The following NEB variants were observed in gnomAD, a reference collection of about 807,000 sequenced individuals.
NEB encodes nemaline myopathy type 2.
NEB carries 512 observed loss-of-function variants against 952.2 expected under a neutral mutation model. That is an observed-to-expected ratio of 0.54 (90% CI 0.50 to 0.58). The LOEUF (loss-of-function observed/expected upper bound fraction) is 0.58. Ranked by LOEUF, NEB falls within the 20% of genes least tolerant of loss-of-function variation. The pLI is 0.00. For missense variants in NEB, 8,428 were observed against 9,231.1 expected, an observed-to-expected ratio of 0.91 and a Z score of 3.56; for synonymous variants, 2,900 against 3,149.8, an observed-to-expected ratio of 0.92 and a Z score of 2.66.
intron 181 of NEB, among the ~76,000 whole-genome samples, chr2:151,488,876 A>G (rs1451872165): frequency 1.3e-5 from 2 of 152,002 alleles, no homozygotes; most frequent in African/African-American, 4.8e-5. Flanking sequence ...CTATTTTTGT[A>G]TCTATTGCCA....
At chr2:151,691,286 C>T (rs1319297032) in intron 23 of NEB, among the ~76,000 whole-genome samples, 1 of 152,218 alleles carries the variant, frequency 6.6e-6, no homozygotes, top group African/African-American at 2.4e-5. Flanking sequence ...CTGCTGTTCC[C>T]CTGACCTTGG....
chr2:151,628,840 CAACAAGAGTGAG>C (rs1201959454), intron 68 of NEB, among the ~76,000 whole-genome samples: 1 of 151,888 alleles, frequency 6.6e-6, no homozygotes, highest in Non-Finnish European at 1.5e-5. Flanking sequence ...CTAGCCTGGG[CAACAAGAGTGAG>C]ACTCTGAGAC....
At chr2:151,533,371 A>G (rs557404113) in intron 143 of NEB, 71 bp downstream of exon 143, 5 of 991,214 alleles carry the variant, frequency 5.0e-6, no homozygotes, top group Non-Finnish European at 7.7e-6. Context: ...GAGGAAATCA[A>G]TGAAAGCATA....
chr2:151,511,952 T>C (rs2074731177), intron 161 of NEB, among the ~76,000 whole-genome samples: 1 of 152,082 alleles, frequency 6.6e-6, no homozygotes, highest in African/African-American at 2.4e-5. Flanking sequence ...TTGTACCATG[T>C]TCTTCAGTAC....
At chr2:151,620,076 A>T (rs932302940) in intron 72 of NEB, among the ~76,000 whole-genome samples, 2 of 152,166 alleles carry the variant, frequency 1.3e-5, no homozygotes, top group Non-Finnish European at 2.9e-5. Flanking sequence ...GAGTGAGCCT[A>T]TTTAAGAACA....
At position 151,533,453 on chromosome 2, in the gene NEB, T is replaced by A. The variant is rs886038447; in HGVS notation, c.21406A>T (p.Met7136Leu). 2.3e-5 allele frequency: 35 copies of A among 1,549,796 alleles called. No individual in the cohort carries two copies. The African/African-American group carries it at 4.0e-4, about 18-fold the overall frequency. Reference sequence around the variant, plus strand: ...CCATCAGACATTACCTGGCTCCACATATGCGAATTGTAGAGAGCAGTCAAC... The same window carrying A: ...CCATCAGACATTACCTGGCTCCACAAATGCGAATTGTAGAGAGCAGTCAAC... Reference protein sequence around the residue: ...DMLTALYNSHMWSQIKYRKNY... With the variant: ...DMLTALYNSHLWSQIKYRKNY... Residue 7136 changes from methionine (M) to leucine (L), a missense_variant, in exon 143 of 182, where the codon ATG becomes TTG. Met to Leu is a conservative substitution (Grantham distance 15). Coordinates refer to ENST00000397345, the MANE Select transcript of NEB (RefSeq NM_001164508.2).
intron 157 of NEB, among the ~76,000 whole-genome samples, chr2:151,516,198 T>C (rs1021660843): frequency 6.6e-6 from 1 of 152,214 alleles, no homozygotes; most frequent in Non-Finnish European, 1.5e-5. Context: ...ATAATTTGTG[T>C]TGGGAATAGT....
At position 151,494,195 on chromosome 2, in the gene NEB, T is replaced by A; in HGVS notation, c.24545A>T (p.Gln8182Leu). 1 of 1,608,520 alleles carries A rather than the reference T, an allele frequency of 6.2e-7. No individual in the cohort carries two copies. Among genetic ancestry groups the A allele is most frequent in the Non-Finnish European group, 8.5e-7 (1 of 1,177,052 alleles). Residue 8182 changes from glutamine to leucine, a missense_variant, in exon 174 of 182, where the codon CAG (glutamine) becomes CTG (leucine). Transcript: ENST00000397345. ...GTTTTCTTGATTGCGTTTGACTCTCTGCATCTCAGGAGTGACAGGGGTTGC... is the reference window on the plus strand; with the variant it reads ...GTTTTCTTGATTGCGTTTGACTCTCAGCATCTCAGGAGTGACAGGGGTTGC... ...ATATPVTPEM[Q>L]RVKRNQENIS...
intron 69 of NEB, 107 bp downstream of exon 69, chr2:151,627,416 A>T: frequency 6.7e-7 from 1 of 1,494,088 alleles, no homozygotes; most frequent in Non-Finnish European, 9.1e-7. Flanking sequence ...GAGCAGAGAG[A>T]AGAAATGTCA....
intron 145 of NEB, 129 bp from the exon 146 acceptor site, chr2:151,529,443 C>G (rs542895768): frequency 1.5e-6 from 1 of 670,022 alleles, no homozygotes; most frequent in African/African-American, 1.8e-5. Flanking sequence ...TTTTAAAAAT[C>G]TGCTGTGGAG....
chr2:151,552,558 G>A, intron 128 of NEB, 114 bp downstream of exon 128: 1 of 673,218 alleles, frequency 1.5e-6, no homozygotes, highest in East Asian at 2.8e-5. Context: ...CACCAACTCT[G>A]GTTTCCCAGT....
chr2:151,609,009 C>T (rs1213171969), intron 81 of NEB, among the ~76,000 whole-genome samples: 1 of 136,540 alleles, frequency 7.3e-6, no homozygotes, highest in Admixed American at 7.4e-5. Flanking sequence ...AGCACTGAAA[C>T]TCTGAGTACA....
In NEB at chr2:151,501,502, C is replaced by T. The variant is rs1575230724; in HGVS notation, c.23929-19G>A. The T allele has an allele frequency of 7.1e-7, 1 of 1,406,964 alleles. No homozygotes were observed. The highest frequency in any genetic ancestry group is 9.5e-7 in the Non-Finnish European group (1 of 1,051,670). The allele number at this position is 1,406,964 out of a possible 1,614,324, so 87.2% of individuals were successfully genotyped here. On this transcript the variant is annotated intron_variant, in intron 167 of 181. Coordinates refer to ENST00000397345, the MANE Select transcript of NEB (RefSeq NM_001164508.2). ...ACAATATCTGTGTGCACAAAACCAA[C>T]AAACAAATCAACCTGGACCCATCAT...
At chr2:151,655,444 A>T (rs1042589420) in intron 50 of NEB, 70 bp from the exon 51 acceptor site, 13 of 820,870 alleles carry the variant, frequency 1.6e-5, no homozygotes, top group Middle Eastern at 2.6e-4. Context: ...ATATGTATTT[A>T]TATATTAGTA....
intron 20 of NEB, among the ~76,000 whole-genome samples, chr2:151,694,035 C>T (rs1303013262): frequency 2.0e-5 from 3 of 152,204 alleles, no homozygotes; most frequent in Admixed American, 6.5e-5. Context: ...ATATTAAGCT[C>T]GTTTCTAGGA....
intron 10 of NEB, among the ~76,000 whole-genome samples, chr2:151,712,664 T>C (rs1046868563): frequency 6.6e-6 from 1 of 152,136 alleles, no homozygotes; most frequent in African/African-American, 2.4e-5. Context: ...TATGGCCTTC[T>C]GTCTCATTTG....
At chr2:151,488,199 A>C (rs1297618078) in intron 181 of NEB, among the ~76,000 whole-genome samples, 1 of 152,030 alleles carries the variant, frequency 6.6e-6, no homozygotes, top group South Asian at 2.1e-4. Context: ...CAATATTAAT[A>C]TTTTTGTTAT....
chr2:151,535,883 A>G lies in NEB; in HGVS notation c.21208-88T>C, dbSNP rs186959666. ...CTGTTTATCATATGATATAATTGTG[A>G]TAATTAATTCATAGAACTAACACAT... On this transcript the variant is annotated intron_variant, in intron 141 of 181. Transcript: ENST00000397345. The G allele has an allele frequency of 2.4e-3, 1,718 of 704,230 alleles. 31 individuals are homozygous for G. The South Asian group carries it at 0.026, about 11-fold the overall frequency. The allele number at this position is 704,230 out of a possible 1,614,324, so 43.6% of individuals were successfully genotyped here. A position where few individuals can be genotyped will look rare whatever the true frequency, so the allele number is the denominator to read the frequency against.
chr2:151,692,619 C>T (rs1015140394), intron 20 of NEB, among the ~76,000 whole-genome samples: 2 of 152,084 alleles, frequency 1.3e-5, no homozygotes, highest in African/African-American at 4.8e-5. Context: ...CACACCAATG[C>T]TGTCTTTTTT....
Sources: allele counts gnomAD v4.1 joint callset (sites outside exome capture counted in the v4.1 genomes callset), GRCh38; gene constraint gnomAD v4.1.1; transcripts MANE v1.5; gene names NCBI Gene and HGNC (gene_info 2026-07-23, HGNC 2026-07-21).